Variants in PID1 observed in about 807,000 individuals in gnomAD.
The protein encoded by PID1 is phosphotyrosine interaction domain containing 1.
PID1 carries 10 observed loss-of-function variants against 19.1 expected under a neutral mutation model. The ratio of observed to expected loss-of-function variants is 0.52; its 90% CI spans 0.32 to 0.89. The LOEUF (loss-of-function observed/expected upper bound fraction) is 0.89. Ranked by LOEUF, PID1 falls within the 40% of genes least tolerant of loss-of-function variation. PID1 has a pLI of 0.03. For synonymous variants in PID1, 130 were observed against 116.0 expected, an observed-to-expected ratio of 1.12 and a Z score of -0.78; for missense variants, 248 against 285.3, an observed-to-expected ratio of 0.87 and a Z score of 0.94.
intron 1 of PID1, among the ~76,000 whole-genome samples, chr2:229,175,602 G>A (rs1276817901): frequency 1.3e-5 from 2 of 152,148 alleles, no homozygotes; most frequent in African/African-American, 4.8e-5. Flanking sequence ...TAAAAGAATT[G>A]TTCAGACCAG....
intron 1 of PID1, among the ~76,000 whole-genome samples, chr2:229,199,720 T>TTTTA (rs780479698): frequency 0.017 from 2,296 of 132,112 alleles, 31 homozygotes; most frequent in South Asian, 0.025. Flanking sequence ...AATATCTAAT[T>TTTTA]TATATATATA....
intron 1 of PID1, among the ~76,000 whole-genome samples, chr2:229,238,652 A>T (rs1206277920): frequency 6.6e-6 from 1 of 152,182 alleles, no homozygotes; most frequent in Admixed American, 6.5e-5. Flanking sequence ...ATCTACAAAG[A>T]CACGAACTTT....
intron 1 of PID1, among the ~76,000 whole-genome samples, chr2:229,220,540 G>A (rs761028944): frequency 6.6e-6 from 1 of 152,088 alleles, no homozygotes; most frequent in South Asian, 2.1e-4. Flanking sequence ...ACTGAACCAC[G>A]GGTAGGAACT....
At chr2:229,079,555 C>A (rs949723004) in intron 2 of PID1, among the ~76,000 whole-genome samples, 3 of 152,226 alleles carry the variant, frequency 2.0e-5, no homozygotes, top group Non-Finnish European at 4.4e-5. Context: ...CAGTTCTCCA[C>A]TGAGGCATGA....
rs533152765 is a variant in PID1, at chr2:229,231,069, G to A, written c.30+39945C>T. ...CAGCCACATGAGCTGCTAAGTTCTCGCCCCAGCCAGTGTCCCAGCTGAAGC... is the reference window on the plus strand; with the variant it reads ...CAGCCACATGAGCTGCTAAGTTCTCACCCCAGCCAGTGTCCCAGCTGAAGC... On this transcript the variant is annotated intron_variant, in intron 1 of 2. Coordinates refer to ENST00000392055, the MANE Select transcript of PID1 (RefSeq NM_001100818.2). Among the ~76,000 whole-genome samples, 66 of 152,044 alleles carry A rather than the reference G, an allele frequency of 4.3e-4. 1 individual carries two copies. In the South Asian group the frequency reaches 9.4e-3, roughly 22 times the overall value.
intron 1 of PID1, among the ~76,000 whole-genome samples, chr2:229,227,647 A>G (rs1482398032): frequency 1.3e-5 from 2 of 152,294 alleles, no homozygotes; most frequent in East Asian, 3.9e-4. Context: ...AGAAAGTTTT[A>G]TTTCCCTCAT....
At chr2:229,241,191 T>A (rs899627006) in intron 1 of PID1, among the ~76,000 whole-genome samples, 13 of 152,112 alleles carry the variant, frequency 8.5e-5, no homozygotes, top group Non-Finnish European at 1.5e-4. Context: ...CTTCTTAGGG[T>A]CTATTTTTAT....
intron 2 of PID1, among the ~76,000 whole-genome samples, chr2:229,075,276 T>TA (rs757485273): frequency 2.0e-4 from 30 of 152,210 alleles, no homozygotes; most frequent in Non-Finnish European, 4.0e-4. Context: ...CATGGTGAAG[T>TA]AAAAAATCGT....
At chr2:229,142,740 T>C (rs1690041636) in intron 2 of PID1, among the ~76,000 whole-genome samples, 1 of 152,216 alleles carries the variant, frequency 6.6e-6, no homozygotes, top group African/African-American at 2.4e-5. Flanking sequence ...ACTTTTACAC[T>C]GTTGGTGGGA....
intron 2 of PID1, among the ~76,000 whole-genome samples, chr2:229,029,367 A>C (rs1038114233): frequency 2.0e-5 from 3 of 152,032 alleles, no homozygotes; most frequent in Non-Finnish European, 4.4e-5. Flanking sequence ...AGAAAAATGC[A>C]AACCAAAACT....
At chr2:229,104,276 G>A (rs1465703971) in intron 2 of PID1, among the ~76,000 whole-genome samples, 1 of 152,152 alleles carries the variant, frequency 6.6e-6, no homozygotes, top group Admixed American at 6.5e-5. Flanking sequence ...TGTGGGGTAA[G>A]TATGAATTAG....
At chr2:229,062,015 T>A (rs954794480) in intron 2 of PID1, among the ~76,000 whole-genome samples, 68 of 152,160 alleles carry the variant, frequency 4.5e-4, no homozygotes, top group African/African-American at 1.5e-3. Flanking sequence ...GTTTTATACA[T>A]GTAAGATCAT....
At chr2:229,226,197 G>A (rs969850836) in intron 1 of PID1, among the ~76,000 whole-genome samples, 3 of 152,072 alleles carry the variant, frequency 2.0e-5, no homozygotes, top group African/African-American at 7.2e-5. Flanking sequence ...AACCCTTCAG[G>A]GTTCATTGAG....
chr2:229,237,371 T>A (rs1689734330), intron 1 of PID1, among the ~76,000 whole-genome samples: 1 of 152,218 alleles, frequency 6.6e-6, no homozygotes, highest in Non-Finnish European at 1.5e-5. Context: ...TGTGAACATC[T>A]CCACTTACAA....
At chr2:229,076,662 C>T (rs114398197) in intron 2 of PID1, among the ~76,000 whole-genome samples, 3,475 of 152,188 alleles carry the variant, frequency 0.023, 144 homozygotes, top group African/African-American at 0.081. Flanking sequence ...CCTGTTCCTA[C>T]GTTAGTTTGC....
intron 2 of PID1, among the ~76,000 whole-genome samples, chr2:229,068,270 A>T (rs1223829572): frequency 6.6e-6 from 1 of 152,064 alleles, no homozygotes; most frequent in African/African-American, 2.4e-5. Context: ...GTGTGTTGGG[A>T]AAGTCTCCAC....
intron 2 of PID1, among the ~76,000 whole-genome samples, chr2:229,153,139 T>C (rs1690292073): frequency 1.3e-5 from 2 of 152,196 alleles, no homozygotes. Flanking sequence ...TAAACCAACA[T>C]TTCAAGGTTC....
chr2:229,065,524 CAAAGT>C (rs1270539368), intron 2 of PID1, among the ~76,000 whole-genome samples: 1 of 151,970 alleles, frequency 6.6e-6, no homozygotes, highest in Admixed American at 6.6e-5. Flanking sequence ...ACTCTCACAT[CAAAGT>C]AAAGTACAAA....
intron 2 of PID1, among the ~76,000 whole-genome samples, chr2:229,049,311 T>C (rs1056507851): frequency 5.9e-5 from 9 of 152,214 alleles, no homozygotes; most frequent in African/African-American, 2.2e-4. Flanking sequence ...TCTTCTTTGG[T>C]AAATGACTTG....
Sources: gnomAD v4.1 joint callset for allele counts (sites outside exome capture counted in the v4.1 genomes callset) on GRCh38, gnomAD v4.1.1 for gene constraint, MANE v1.5 for transcripts, NCBI Gene and HGNC (gene_info 2026-07-23, HGNC 2026-07-21) for gene names.